The following DENND4C variants were observed in gnomAD, a reference collection of about 807,000 sequenced individuals.
DENND4C encodes the protein DENN domain-containing protein 4C.
A neutral mutation model predicts 203.0 loss-of-function variants in DENND4C; 108 were observed. The observed-to-expected ratio is 0.53, with a 90% confidence interval of 0.46 to 0.62. The LOEUF is 0.62. DENND4C is among the 20% of genes least tolerant of loss of function. The probability of loss-of-function intolerance (pLI) is 0.00; values close to 1 mark genes in which losing one functional copy is unlikely to be tolerated. For missense variants in DENND4C, 2,481 were observed against 2,301.2 expected (o/e 1.08, Z -1.60); for synonymous variants, 871 against 792.4 (o/e 1.10, Z -1.67).
At position 19,265,267 on chromosome 9, in the gene DENND4C, T is replaced by A. The variant is rs922200538; in HGVS notation, c.-17-10891T>A. Among the ~76,000 whole-genome samples the A allele has an allele frequency of 7.9e-5, 12 of 152,176 alleles. No individual in the cohort carries two copies. The East Asian group carries it at 2.3e-3, about 29-fold the overall frequency. ...CTGGGGCTCAAGCAGTCTGTCCCCCTTGCTCTCCCAAAATGCTGGGATTAC... is the reference window on the plus strand; with the variant it reads ...CTGGGGCTCAAGCAGTCTGTCCCCCATGCTCTCCCAAAATGCTGGGATTAC... On this transcript the variant is annotated intron_variant, in intron 1 of 32. Transcript: ENST00000434457.
intron 22 of DENND4C, among the ~76,000 whole-genome samples, chr9:19,345,700 A>G (rs757402932): frequency 2.6e-5 from 4 of 152,208 alleles, no homozygotes; most frequent in Admixed American, 6.5e-5. Context: ...TTATATAAAT[A>G]TAGGATGAAA....
At chr9:19,355,598 AC>A (rs538636161) in intron 26 of DENND4C, among the ~76,000 whole-genome samples, 109 of 152,054 alleles carry the variant, frequency 7.2e-4, no homozygotes, top group Non-Finnish European at 6.8e-4. Context: ...TCCCATGTAT[AC>A]CTCACTTGGT....
At chr9:19,295,669 C>CAA (rs1173472125) in intron 5 of DENND4C, among the ~76,000 whole-genome samples, 2,729 of 72,528 alleles carry the variant, frequency 0.038, 130 homozygotes, top group African/African-American at 0.11. Flanking sequence ...GACTCCATCT[C>CAA]AAAAAAAAAA....
intron 2 of DENND4C, among the ~76,000 whole-genome samples, chr9:19,286,410 T>C (rs1835225252): frequency 6.6e-6 from 1 of 152,210 alleles, no homozygotes; most frequent in Non-Finnish European, 1.5e-5. Context: ...TGAAAACATC[T>C]GAATACTTGG....
chr9:19,333,326 A>G (rs1055219404), intron 17 of DENND4C, among the ~76,000 whole-genome samples: 3 of 152,010 alleles, frequency 2.0e-5, no homozygotes, highest in Admixed American at 6.6e-5. Context: ...TATGGAACCT[A>G]TTTGTGTTTT....
chr9:19,296,015 G>C lies in DENND4C; in HGVS notation c.809G>C (p.Gly270Ala), dbSNP rs1226912564. 6.2e-7 allele frequency: 1 copy of C among 1,611,462 alleles called. No individual in the cohort carries two copies. The highest frequency in any genetic ancestry group is 8.5e-7 in the Non-Finnish European group (1 of 1,177,936). The change falls in exon 6 of 33, where the codon GGA becomes GCA. Residue 270 changes from glycine to alanine, a missense_variant. Gly to Ala is a moderately conservative substitution (Grantham distance 60). Coordinates refer to ENST00000434457, the MANE Select transcript of DENND4C (RefSeq NM_001330640.2). ...AATTCTGTTACTCTTTAGGTATATG[G>C]AGCTGCCATTCAGTTTTATGAACCT... is the stretch of plus-strand genomic sequence containing the variant. ...LTGSSAKKVYGAAIQFYEPYS... is the reference protein window; with the variant it reads ...LTGSSAKKVYAAAIQFYEPYS...
Position 19,276,272 on chromosome 9 carries a change from A to G in DENND4C, c.98A>G (p.Asp33Gly), listed in dbSNP as rs1267759178. ...TLLDQEINRL[D>G]TKSTGPKAPI... is the part of the protein sequence containing the mutation. ...TTGGATCAAGAAATAAATCGTTTAG[A>G]TACTAAGTCAACTGGACCTAAAGCT... The change falls in exon 2 of 33, where the codon GAT becomes GGT. Residue 33 changes from aspartate (D) to glycine (G), a missense_variant. Asp to Gly is a moderately conservative substitution (Grantham distance 94). Around this residue, in one of 3 missense-constraint regions of DENND4C, gnomAD observed 187 missense variants for 167.4 expected, o/e 1.12. Transcript: ENST00000434457. The G allele has an allele frequency of 1.6e-6, 2 of 1,231,980 alleles. No individual in the cohort carries two copies. The highest frequency in any genetic ancestry group is 2.0e-6 in the Non-Finnish European group (2 of 987,912). 76.3% of individuals were successfully genotyped at this position (1,231,980 alleles called of 1,614,324 possible). A position where few individuals can be genotyped will look rare whatever the true frequency, so the allele number is the denominator to read the frequency against.
chr9:19,345,891 T>A (rs779899043), intron 22 of DENND4C, 30 bp from the exon 23 acceptor site: 2 of 1,518,320 alleles, frequency 1.3e-6, no homozygotes, highest in Non-Finnish European at 1.8e-6. Context: ...GAAAATAGGT[T>A]CATTGTTAAT....
chr9:19,299,258 A>G lies in DENND4C; in HGVS notation c.1137A>G (p.Ser379=), dbSNP rs376962788. 4.2e-5 allele frequency: 66 copies of G among 1,586,200 alleles called. No homozygotes were observed. The South Asian group carries it at 5.1e-4, about 12-fold the overall frequency. Residue 379 remains serine, a synonymous_variant, in exon 8 of 33, where the codon TCA becomes TCG. Transcript: ENST00000434457. ...CAGTCCATGATGCATTAATATTATC[A>G]CAGCCAGTTTCTACACCTTTACCAC... is the stretch of plus-strand genomic sequence containing the variant. ...QLSVHDALIL[S]QPVSTPLPLS... is the part of the protein sequence containing the mutation.
At chr9:19,357,706 A>G in intron 27 of DENND4C, 1 of 334,330 alleles carries the variant, frequency 3.0e-6, no homozygotes, top group Non-Finnish European at 5.4e-6. Flanking sequence ...CTGAATGGGT[A>G]CTTTGTCTTT....
chr9:19,256,926 C>T (rs1367377255), intron 1 of DENND4C, among the ~76,000 whole-genome samples: 6 of 151,692 alleles, frequency 4.0e-5, no homozygotes, highest in African/African-American at 1.2e-4. Flanking sequence ...AAAAATTAGC[C>T]GGGCGTGGTG....
rs1294423472 is a variant in DENND4C at position 19,316,833 on chromosome 9, C to G, written c.1801C>G (p.Arg601Gly). Residue 601 changes from arginine to glycine, a missense_variant, in exon 12 of 33, where the codon CGA becomes GGA. By Grantham distance (125) the Arg-to-Gly change is moderately radical. Coordinates refer to ENST00000434457, the MANE Select transcript of DENND4C (RefSeq NM_001330640.2). ...CACAGCTGCTGATTCATTGTTTGAC[C>G]GACAGGGTGAGTAGCATTGAAAGTA... ...KATAADSLFD[R>G]QGFLKSRDRA... is the part of the protein sequence containing the mutation. The G allele has an allele frequency of 6.2e-7, 1 of 1,611,802 alleles. No homozygotes were observed. The highest frequency in any genetic ancestry group is 8.5e-7 in the Non-Finnish European group (1 of 1,179,094).
intron 16 of DENND4C, among the ~76,000 whole-genome samples, chr9:19,329,095 A>C (rs1818510538): frequency 6.6e-6 from 1 of 152,170 alleles, no homozygotes; most frequent in Non-Finnish European, 1.5e-5. Flanking sequence ...CAGCATACCC[A>C]CTTAAAGTGT....
chr9:19,370,209 G>T (rs1351923044), intron 31 of DENND4C: 2 of 518,984 alleles, frequency 3.9e-6, no homozygotes, highest in Non-Finnish European at 6.7e-6. Flanking sequence ...TGTAATCCCA[G>T]CACTTTGGGT....
In DENND4C at chr9:19,346,030, G is replaced by A; in HGVS notation, c.3261G>A (p.Lys1087=). Residue 1087 remains lysine (K), a synonymous_variant, in exon 23 of 33, where the codon AAG becomes AAA. Transcript: ENST00000434457. Reference sequence around the variant, plus strand: ...GTGATAGAGGAGAAAAAAGACAAAAGCATTTTCCTGAGAGGAGTTGTAGTT... The same window carrying A: ...GTGATAGAGGAGAAAAAAGACAAAAACATTTTCCTGAGAGGAGTTGTAGTT... ...KNGDRGEKRQ[K]HFPERSCSFS... 1 of 1,614,102 alleles carries A rather than the reference G, an allele frequency of 6.2e-7. No individual in the cohort carries two copies.
intron 1 of DENND4C, among the ~76,000 whole-genome samples, chr9:19,260,855 G>A (rs2131765405): frequency 6.6e-6 from 1 of 152,240 alleles, no homozygotes; most frequent in Admixed American, 6.5e-5. Context: ...GGTTACCTAT[G>A]CTTTTGGGGT....
Position 19,374,132 on chromosome 9 carries a change from TTC to T in DENND4C, c.*1961_*1962del, listed in dbSNP as rs1451611803. On this transcript the variant is annotated 3_prime_UTR_variant, in exon 33 of 33. Transcript: ENST00000434457. ...TTGAATAAAATGAAAAATTGTTGTT[TTC>T]TGTTACATTAAGCCTCTTGAAATCT... 2.6e-5 allele frequency among the ~76,000 whole-genome samples: 4 copies of T among 152,210 alleles called. No homozygotes were observed. The highest frequency in any genetic ancestry group is 7.2e-5 in the African/African-American group (3 of 41,444).
chr9:19,263,294 T>C (rs918346638), intron 1 of DENND4C, among the ~76,000 whole-genome samples: 4 of 151,612 alleles, frequency 2.6e-5, no homozygotes, highest in Non-Finnish European at 5.9e-5. Flanking sequence ...TCCCACAGGG[T>C]CATGTTGAAT....
chr9:19,291,906 T>C (rs1321785662), intron 5 of DENND4C, among the ~76,000 whole-genome samples: 1 of 152,216 alleles, frequency 6.6e-6, no homozygotes, highest in Non-Finnish European at 1.5e-5. Context: ...GGCTACATCC[T>C]AAGAGCTAAT....
Sources: gnomAD v4.1 joint callset for allele counts (sites outside exome capture counted in the v4.1 genomes callset) on GRCh38, gnomAD v4.1.1 for gene constraint, gnomAD v4.1.1 regional missense constraint, MANE v1.5 for transcripts, NCBI Gene and HGNC (gene_info 2026-07-23, HGNC 2026-07-21) for gene names.